ASB16: variants seen among roughly 807,000 people sequenced by gnomAD.
ASB16 encodes the protein ankyrin repeat and SOCS box containing 16.
A neutral mutation model predicts 39.1 loss-of-function variants in ASB16; 44 were observed. The ratio of observed to expected loss-of-function variants is 1.13; its 90% CI spans 0.88 to 1.45. ASB16 has a LOEUF of 1.45. Among genes scored for constraint, ASB16 ranks in the 40% most tolerant of loss-of-function variants. ASB16 has a pLI of 0.00. For synonymous variants in ASB16, 305 were observed against 286.7 expected (o/e 1.06, Z -0.64); for missense variants, 698 against 634.5 (o/e 1.10, Z -1.07).
chr17:44,172,016 C>G (rs755720972), intron 1 of ASB16, 30 bp from the exon 2 acceptor site: 1 of 1,597,318 alleles, frequency 6.3e-7, no homozygotes, highest in South Asian at 1.1e-5. Context: ...GTCTTATACA[C>G]CACCTCCCAA....
chr17:44,177,372 G>A (rs564713536), intron 3 of ASB16, 142 bp downstream of exon 3: 324 of 1,277,926 alleles, frequency 2.5e-4, no homozygotes, highest in Non-Finnish European at 2.4e-4. Flanking sequence ...AGCTTGGGAG[G>A]GGGAGAGAGG....
Sources: gnomAD v4.1 joint callset for allele counts on GRCh38, gnomAD v4.1.1 for gene constraint, MANE v1.5 for transcripts, NCBI Gene and HGNC (gene_info 2026-07-23, HGNC 2026-07-21) for gene names.